Variants in AMBRA1 observed in about 807,000 individuals in gnomAD.
AMBRA1 encodes activating molecule in BECN1-regulated autophagy protein 1.
In AMBRA1, 47 loss-of-function variants were observed where a neutral mutation model predicts 125.4. The observed-to-expected ratio is 0.37, with a 90% CI of 0.30 to 0.48. The LOEUF (loss-of-function observed/expected upper bound fraction) is 0.48, where lower values mean the gene tolerates loss of function less well. AMBRA1 is among the 20% of genes least tolerant of loss of function. AMBRA1 has a pLI of 0.99. For synonymous variants in AMBRA1, 626 were observed against 655.5 expected, an observed-to-expected ratio of 0.95 and a Z score of 0.69; for missense variants, 1,331 against 1,693.4, an observed-to-expected ratio of 0.79 and a Z score of 3.76.
At chr11:46,566,698 AT>A (rs1447404363) in intron 1 of AMBRA1, among the ~76,000 whole-genome samples, 1 of 152,158 alleles carries the variant, frequency 6.6e-6, no homozygotes, top group Non-Finnish European at 1.5e-5. Flanking sequence ...CTTTGCAAAA[AT>A]TGTAACAGTA....
chr11:46,571,980 G>A (rs1256705677), intron 1 of AMBRA1, among the ~76,000 whole-genome samples: 7 of 152,042 alleles, frequency 4.6e-5, no homozygotes, highest in East Asian at 1.9e-4. Flanking sequence ...AAGCCACTGC[G>A]CCCTGCCCAA....
At chr11:46,452,991 T>C (rs1948688105) in intron 11 of AMBRA1, among the ~76,000 whole-genome samples, 1 of 152,246 alleles carries the variant, frequency 6.6e-6, no homozygotes, top group South Asian at 2.1e-4. Context: ...TCCGCACAGT[T>C]ATGTAACCAT....
At chr11:46,435,489 G>C (rs1353284890) in intron 12 of AMBRA1, among the ~76,000 whole-genome samples, 1 of 152,216 alleles carries the variant, frequency 6.6e-6, no homozygotes, top group Non-Finnish European at 1.5e-5. Context: ...CACCTGTTAT[G>C]TGACCTTGGA....
chr11:46,457,633 G>A (rs1330795469), intron 11 of AMBRA1, among the ~76,000 whole-genome samples: 1 of 152,192 alleles, frequency 6.6e-6, no homozygotes, highest in Non-Finnish European at 1.5e-5. Context: ...AGGCGCAGTG[G>A]CTCACGCCTA....
chr11:46,534,298 G>C (rs1952360135), intron 7 of AMBRA1, among the ~76,000 whole-genome samples: 1 of 151,554 alleles, frequency 6.6e-6, no homozygotes, highest in East Asian at 1.9e-4. Context: ...TTCAAGACCA[G>C]TCCGGCCAAC....
chr11:46,511,579 A>C (rs1951258090), intron 8 of AMBRA1, among the ~76,000 whole-genome samples: 1 of 152,188 alleles, frequency 6.6e-6, no homozygotes, highest in South Asian at 2.1e-4. Context: ...CCTAACCTAC[A>C]CTGCTAACCT....
At chr11:46,518,647 C>T (rs1033890161) in intron 7 of AMBRA1, among the ~76,000 whole-genome samples, 18 of 152,032 alleles carry the variant, frequency 1.2e-4, no homozygotes, top group African/African-American at 3.9e-4. Context: ...TAGCCCTTTA[C>T]AGAAGATGTT....
intron 11 of AMBRA1, chr11:46,451,921 T>C (rs1948616921): frequency 6.7e-6 from 1 of 150,310 alleles, no homozygotes; most frequent in African/African-American, 2.4e-5. Context: ...TTCAAACAGA[T>C]TGACAGTTGC....
intron 7 of AMBRA1, among the ~76,000 whole-genome samples, chr11:46,524,755 C>T (rs546001893): frequency 3.3e-5 from 5 of 152,178 alleles, no homozygotes; most frequent in African/African-American, 1.2e-4. Flanking sequence ...GAATATGATG[C>T]CCTCTGTCCA....
chr11:46,493,238 C>A (rs1437617319), intron 11 of AMBRA1, among the ~76,000 whole-genome samples: 2 of 152,110 alleles, frequency 1.3e-5, no homozygotes, highest in African/African-American at 2.4e-5. Context: ...GCACTAAGCT[C>A]CTAATTAAAT....
Position 46,397,730 on chromosome 11 carries a change from G to T in AMBRA1, c.3617C>A (p.Pro1206His). The stretch of plus-strand genomic sequence containing the variant: ...CAGTCCCCGAGAGGTGGAGGGCTGG[G>T]GTGAGGAGGTGTGGGCGGCACCAGG... The part of the protein sequence containing the change: ...TEPGAAHTSS[P>H]QPSTSRGLLP... The change falls in exon 18 of 18, where the codon CCC (proline) becomes CAC (histidine). Residue 1206 changes from proline (P) to histidine (H), a missense_variant. Transcript: ENST00000683756. 6.2e-7 allele frequency: 1 copy of T among 1,613,172 alleles called. No individual in the cohort carries two copies.
chr11:46,469,254 C>T (rs959825731), intron 11 of AMBRA1, among the ~76,000 whole-genome samples: 23 of 152,150 alleles, frequency 1.5e-4, no homozygotes, highest in African/African-American at 5.6e-4. Flanking sequence ...GTGTTTTATG[C>T]TGAACTCTCC....
At chr11:46,523,548 A>G (rs548096843) in intron 7 of AMBRA1, among the ~76,000 whole-genome samples, 16 of 152,330 alleles carry the variant, frequency 1.1e-4, no homozygotes, top group African/African-American at 3.6e-4. Flanking sequence ...TGCTTGCTAA[A>G]AATTATGCAT....
chr11:46,423,582 G>A (rs1406908308), intron 14 of AMBRA1, among the ~76,000 whole-genome samples: 1 of 151,418 alleles, frequency 6.6e-6, no homozygotes, highest in African/African-American at 2.4e-5. Flanking sequence ...TAGTAGAGAC[G>A]GGGTTTCACC....
chr11:46,439,903 C>T (rs1947917658), intron 12 of AMBRA1, among the ~76,000 whole-genome samples: 1 of 151,532 alleles, frequency 6.6e-6, no homozygotes, highest in African/African-American at 2.4e-5. Flanking sequence ...ATTTAAAATG[C>T]CCACATACTA....
intron 9 of AMBRA1, 33 bp downstream of exon 9, chr11:46,508,156 GGA>G: frequency 6.2e-7 from 1 of 1,611,124 alleles, no homozygotes. Flanking sequence ...AAGCTTGAGA[GGA>G]GAGGGAAGAA....
intron 1 of AMBRA1, among the ~76,000 whole-genome samples, chr11:46,563,767 G>T (rs2135247093): frequency 1.3e-5 from 2 of 151,326 alleles, no homozygotes; most frequent in South Asian, 4.2e-4. Context: ...CTTGAACCTA[G>T]GAGACGGTAG....
intron 17 of AMBRA1, among the ~76,000 whole-genome samples, chr11:46,400,472 A>ATTTTT (rs1945688967): frequency 3.4e-5 from 1 of 29,466 alleles, no homozygotes; most frequent in African/African-American, 1.2e-4. Context: ...TTCTTTCTAT[A>ATTTTT]GTTTTTTTTT....
chr11:46,459,574 G>A (rs1949007715), intron 11 of AMBRA1, among the ~76,000 whole-genome samples: 1 of 152,038 alleles, frequency 6.6e-6, no homozygotes, highest in East Asian at 1.9e-4. Context: ...AGCTGGGCAT[G>A]GTGGCAGGTG....
Sources: allele counts gnomAD v4.1 joint callset (sites outside exome capture counted in the v4.1 genomes callset), GRCh38; gene constraint gnomAD v4.1.1; transcripts MANE v1.5; gene names NCBI Gene and HGNC (gene_info 2026-07-23, HGNC 2026-07-21).